Variants in CDH13 observed in about 807,000 individuals in gnomAD.
The protein encoded by CDH13 is cadherin 13.
A neutral mutation model predicts 63.8 loss-of-function variants in CDH13; 24 were observed. That is an observed-to-expected ratio of 0.38 (90% CI 0.27 to 0.53). The LOEUF is 0.53. Ranked by LOEUF, CDH13 falls within the 20% of genes least tolerant of loss-of-function variation. CDH13 has a pLI of 0.85. For synonymous variants in CDH13, 503 were observed against 355.3 expected (o/e 1.42, Z -4.67); for missense variants, 1,049 against 903.1 (o/e 1.16, Z -2.07).
chr16:82,819,223 T>C (rs1469970759), intron 1 of CDH13, among the ~76,000 whole-genome samples: 1 of 152,192 alleles, frequency 6.6e-6, no homozygotes, highest in African/African-American at 2.4e-5. Flanking sequence ...ATCAATTAAT[T>C]GATCTAAATT....
chr16:83,682,072 C>G (rs1915452777), intron 10 of CDH13, among the ~76,000 whole-genome samples: 1 of 152,088 alleles, frequency 6.6e-6, no homozygotes, highest in South Asian at 2.1e-4. Flanking sequence ...GATGTGATAC[C>G]TCTGTTCTTG....
At chr16:82,973,681 C>T (rs1243384794) in intron 2 of CDH13, among the ~76,000 whole-genome samples, 2 of 152,156 alleles carry the variant, frequency 1.3e-5, no homozygotes, top group African/African-American at 4.8e-5. Context: ...GATGGCTTCA[C>T]TGAAGGGATG....
intron 8 of CDH13, among the ~76,000 whole-genome samples, chr16:83,623,890 C>T (rs1018811017): frequency 1.3e-5 from 2 of 152,234 alleles, no homozygotes; most frequent in Admixed American, 6.5e-5. Flanking sequence ...CACCCTTCGA[C>T]AAGGAAATTC....
chr16:83,059,323 G>A (rs13335447), intron 3 of CDH13, among the ~76,000 whole-genome samples: 3,927 of 152,218 alleles, frequency 0.026, 172 homozygotes, highest in African/African-American at 0.088. Context: ...CAGGGAGAGC[G>A]GGTGTTAACT....
intron 4 of CDH13, among the ~76,000 whole-genome samples, chr16:83,167,132 G>C (rs1333687943): frequency 6.6e-6 from 1 of 151,726 alleles, no homozygotes; most frequent in Non-Finnish European, 1.5e-5. Context: ...ATTTGCAGTG[G>C]TACTTCCCTG....
intron 5 of CDH13, among the ~76,000 whole-genome samples, chr16:83,277,697 C>A (rs754137448): frequency 2.0e-5 from 3 of 152,062 alleles, no homozygotes; most frequent in Non-Finnish European, 4.4e-5. Context: ...AGCGGATTCC[C>A]TTAAGTCAAA....
chr16:82,926,051 TA>T (rs1174898269), intron 2 of CDH13: 1 of 151,966 alleles, frequency 6.6e-6, no homozygotes, highest in Non-Finnish European at 1.5e-5. Flanking sequence ...AAAATAAAAA[TA>T]AAAAAGACAT....
chr16:83,322,217 G>A (rs1016903352), intron 5 of CDH13, among the ~76,000 whole-genome samples: 4 of 152,172 alleles, frequency 2.6e-5, no homozygotes, highest in East Asian at 1.9e-4. Flanking sequence ...TAGAGCCTTT[G>A]GTGTTGCCGG....
At chr16:83,110,391 C>T (rs2034999228) in intron 3 of CDH13, among the ~76,000 whole-genome samples, 1 of 152,202 alleles carries the variant, frequency 6.6e-6, no homozygotes, top group South Asian at 2.1e-4. Context: ...CCAGTGACCA[C>T]AACCAAGGAG....
At chr16:83,776,065 C>G (rs1014108948) in intron 11 of CDH13, among the ~76,000 whole-genome samples, 2 of 152,136 alleles carry the variant, frequency 1.3e-5, no homozygotes, top group African/African-American at 2.4e-5. Context: ...TTTTGTGAAT[C>G]TTGTCTTTAA....
intron 2 of CDH13, among the ~76,000 whole-genome samples, chr16:82,889,593 A>G (rs923343531): frequency 6.6e-6 from 1 of 152,230 alleles, no homozygotes; most frequent in Non-Finnish European, 1.5e-5. Context: ...TATAGTATCC[A>G]CAGGATACAA....
chr16:83,459,198 C>T (rs2073107459), intron 6 of CDH13, among the ~76,000 whole-genome samples: 1 of 152,220 alleles, frequency 6.6e-6, no homozygotes, highest in African/African-American at 2.4e-5. Flanking sequence ...AGAAAATCCA[C>T]TGTCATTTTG....
intron 5 of CDH13, among the ~76,000 whole-genome samples, chr16:83,344,465 G>C (rs892452354): frequency 8.5e-5 from 13 of 152,150 alleles, no homozygotes; most frequent in African/African-American, 3.1e-4. Flanking sequence ...ATCTCTTAAT[G>C]TACTTGGTTC....
intron 6 of CDH13, among the ~76,000 whole-genome samples, chr16:83,442,298 G>A (rs1392252716): frequency 1.3e-5 from 2 of 152,194 alleles, no homozygotes; most frequent in Non-Finnish European, 2.9e-5. Flanking sequence ...CTTGACGAGT[G>A]CAGGATTCTA....
In CDH13 at chr16:83,123,816, C is replaced by T. The variant is rs182677319; in HGVS notation, c.367-1569C>T. On this transcript the variant is annotated intron_variant, in intron 3 of 13. Coordinates refer to ENST00000567109, the MANE Select transcript of CDH13 (RefSeq NM_001257.5). ...CATAGAGTTTGCACTAATTTACACT[C>T]CCACCAACAGTATATAAGCATTCTT... 2.6e-3 allele frequency among the ~76,000 whole-genome samples: 401 copies of T among 152,216 alleles called. 4 individuals carry two copies. Among genetic ancestry groups the T allele is most frequent in the African/African-American group, 9.2e-3 (383 of 41,522 alleles).
chr16:82,882,401 C>A (rs1424591088), intron 2 of CDH13, among the ~76,000 whole-genome samples: 1 of 152,320 alleles, frequency 6.6e-6, no homozygotes, highest in East Asian at 1.9e-4. Context: ...TGGCTCTAGT[C>A]TCCAACTCCG....
intron 5 of CDH13, among the ~76,000 whole-genome samples, chr16:83,291,393 A>G (rs529603814): frequency 1.3e-5 from 2 of 151,914 alleles, no homozygotes; most frequent in Non-Finnish European, 2.9e-5. Context: ...CCTCACTCCC[A>G]GCTTCTAGAT....
intron 7 of CDH13, among the ~76,000 whole-genome samples, chr16:83,598,937 C>T (rs984377917): frequency 6.6e-6 from 1 of 152,200 alleles, no homozygotes; most frequent in Non-Finnish European, 1.5e-5. Flanking sequence ...TTGAATTTCA[C>T]TCCCAGGGTG....
chr16:83,063,404 A>C (rs1327642801), intron 3 of CDH13, among the ~76,000 whole-genome samples: 1 of 152,218 alleles, frequency 6.6e-6, no homozygotes, highest in Non-Finnish European at 1.5e-5. Flanking sequence ...CTCAAAATCA[A>C]GAGGAAGGGA....
Sources: allele counts gnomAD v4.1 joint callset (sites outside exome capture counted in the v4.1 genomes callset), GRCh38; gene constraint gnomAD v4.1.1; transcripts MANE v1.5; gene names NCBI Gene and HGNC (gene_info 2026-07-23, HGNC 2026-07-21).